Variants in PABPC4L observed in about 807,000 individuals in gnomAD.
The protein encoded by PABPC4L is polyadenylate-binding protein 4-like.
For missense variants in PABPC4L, 452 were observed against 451.4 expected (o/e 1.00, Z -0.01); for synonymous variants, 169 against 164.1 (o/e 1.03, Z -0.23).
chr4:134,042,938 G>A, the PABPC4L span, among the ~76,000 whole-genome samples: 7 of 151,984 alleles, frequency 4.6e-5, no homozygotes, highest in Admixed American at 1.3e-4. Context: ...TTAGAATTCC[G>A]TGACTCATTG....
the PABPC4L span, among the ~76,000 whole-genome samples, chr4:134,141,261 A>C: frequency 6.6e-6 from 1 of 151,372 alleles, no homozygotes; most frequent in Non-Finnish European, 1.5e-5. Flanking sequence ...GATGCAAACT[A>C]CTCCCTGTGG....
chr4:134,057,500 T>C, the PABPC4L span, among the ~76,000 whole-genome samples: 5 of 151,980 alleles, frequency 3.3e-5, no homozygotes, highest in African/African-American at 4.8e-5. Context: ...TCATGGCCAG[T>C]TGAGGATGGA....
At chr4:134,102,482 T>C in the PABPC4L span, among the ~76,000 whole-genome samples, 401 of 151,608 alleles carry the variant, frequency 2.6e-3, no homozygotes, top group Non-Finnish European at 4.6e-3. Context: ...AGAATTATAA[T>C]GTTTAAAAAG....
chr4:134,104,597 C>G, the PABPC4L span, among the ~76,000 whole-genome samples: 1 of 151,780 alleles, frequency 6.6e-6, no homozygotes, highest in Non-Finnish European at 1.5e-5. Context: ...CCCTAGGTAC[C>G]TGCCTAGTTA....
chr4:133,999,693 T>C, the PABPC4L span, among the ~76,000 whole-genome samples: 4 of 151,984 alleles, frequency 2.6e-5, no homozygotes, highest in Admixed American at 6.6e-5. Flanking sequence ...GAAAAAAGTT[T>C]CCATGGGAGT....
chr4:134,158,224 A>T, the PABPC4L span, among the ~76,000 whole-genome samples: 1 of 151,912 alleles, frequency 6.6e-6, no homozygotes, highest in Non-Finnish European at 1.5e-5. Flanking sequence ...CTTTCCATAC[A>T]CTTTCTTAAT....
chr4:134,086,358 C>A, the PABPC4L span, among the ~76,000 whole-genome samples: 1 of 152,106 alleles, frequency 6.6e-6, no homozygotes, highest in Non-Finnish European at 1.5e-5. Context: ...TGCATTGTCA[C>A]TCCCCTAAAG....
At chr4:134,145,833 C>T in the PABPC4L span, among the ~76,000 whole-genome samples, 1 of 151,956 alleles carries the variant, frequency 6.6e-6, no homozygotes, top group African/African-American at 2.4e-5. Flanking sequence ...TCATTACACC[C>T]ACTATATCAA....
At chr4:134,056,813 A>G in the PABPC4L span, among the ~76,000 whole-genome samples, 1 of 152,004 alleles carries the variant, frequency 6.6e-6, no homozygotes, top group Non-Finnish European at 1.5e-5. Context: ...TATTGGGACA[A>G]TTACATCATT....
chr4:134,144,386 G>C, the PABPC4L span, among the ~76,000 whole-genome samples: 499 of 151,414 alleles, frequency 3.3e-3, 3 homozygotes, highest in African/African-American at 0.01. Context: ...TAATCTCTGT[G>C]TATTTATCAC....
the PABPC4L span, among the ~76,000 whole-genome samples, chr4:134,073,218 C>T: frequency 2.0e-5 from 3 of 152,304 alleles, no homozygotes; most frequent in South Asian, 2.1e-4. Flanking sequence ...TTCCTAGATA[C>T]ATGGGAGTAC....
the PABPC4L span, among the ~76,000 whole-genome samples, chr4:134,154,457 A>AAAAT: frequency 4.1e-4 from 63 of 152,188 alleles, 3 homozygotes; most frequent in South Asian, 4.4e-3. Flanking sequence ...CTCTGTTTAA[A>AAAAT]AAATAAATAA....
At chr4:134,006,241 A>G in the PABPC4L span, among the ~76,000 whole-genome samples, 1 of 151,784 alleles carries the variant, frequency 6.6e-6, no homozygotes, top group Non-Finnish European at 1.5e-5. Context: ...TTCAATTTAT[A>G]ACATTTCTTT....
At chr4:134,120,425 T>C in the PABPC4L span, among the ~76,000 whole-genome samples, 562 of 149,502 alleles carry the variant, frequency 3.8e-3, 3 homozygotes, top group African/African-American at 0.013. Flanking sequence ...AAATTTTTAA[T>C]ATTCATTTAT....
At chr4:133,957,348 T>G in the PABPC4L span, among the ~76,000 whole-genome samples, 1 of 152,178 alleles carries the variant, frequency 6.6e-6, no homozygotes, top group Non-Finnish European at 1.5e-5. Context: ...ATAATCTCCT[T>G]TGACACCATG....
chr4:134,152,762 G>C, the PABPC4L span, among the ~76,000 whole-genome samples: 1 of 152,134 alleles, frequency 6.6e-6, no homozygotes, highest in Non-Finnish European at 1.5e-5. Context: ...AATATCTGAG[G>C]CTGGGTAATT....
At chr4:133,993,602 C>A in the PABPC4L span, among the ~76,000 whole-genome samples, 5 of 152,100 alleles carry the variant, frequency 3.3e-5, no homozygotes, top group Admixed American at 6.6e-5. Context: ...AGGGTTAATA[C>A]CTGTTGAAGG....
At chr4:134,168,519 T>A in the PABPC4L span, among the ~76,000 whole-genome samples, 1 of 151,790 alleles carries the variant, frequency 6.6e-6, no homozygotes, top group East Asian at 1.9e-4. Context: ...ACAAACATTT[T>A]GGTCTGAGTA....
At chr4:134,014,762 C>CA in the PABPC4L span, among the ~76,000 whole-genome samples, 1 of 152,004 alleles carries the variant, frequency 6.6e-6, no homozygotes, top group Non-Finnish European at 1.5e-5. Context: ...AAAGCCTACC[C>CA]ACTCCACATT....
Sources: allele counts gnomAD v4.1 joint callset (sites outside exome capture counted in the v4.1 genomes callset), GRCh38; gene constraint gnomAD v4.1.1; transcripts MANE v1.5; gene names NCBI Gene and HGNC (gene_info 2026-07-23, HGNC 2026-07-21).